The following SLC51A variants were observed in gnomAD, a reference collection of about 807,000 sequenced individuals.
SLC51A encodes solute carrier family 51 member A.
A neutral mutation model predicts 34.8 loss-of-function variants in SLC51A; 22 were observed. That is an observed-to-expected ratio of 0.63 (90% CI 0.45 to 0.90). The LOEUF (loss-of-function observed/expected upper bound fraction) is 0.90, where lower values mean the gene tolerates loss of function less well. Among genes scored for constraint, SLC51A ranks in the 40% least tolerant of loss-of-function variants. The pLI, the probability that SLC51A is intolerant of heterozygous loss-of-function variation, is 0.00. For synonymous variants in SLC51A, 181 were observed against 176.3 expected, an observed-to-expected ratio of 1.03 and a Z score of -0.21; for missense variants, 371 against 414.8, an observed-to-expected ratio of 0.89 and a Z score of 0.92.
chr3:196,231,096 C>T (rs887560094), intron 7 of SLC51A, among the ~76,000 whole-genome samples: 7 of 152,158 alleles, frequency 4.6e-5, no homozygotes, highest in African/African-American at 9.7e-5. Flanking sequence ...CACCATGTGC[C>T]GGGCACTTTC....
At chr3:196,221,185 C>T (rs563915282) in intron 2 of SLC51A, among the ~76,000 whole-genome samples, 24 of 151,338 alleles carry the variant, frequency 1.6e-4, no homozygotes, top group South Asian at 1.0e-3. Flanking sequence ...CCCAGGAGGT[C>T]GAGGTTGCAG....
rs1158261702 is a variant in SLC51A at position 196,229,000 on chromosome 3, AC to A, written c.633+84del. ...TCTAAAAGGAATCACCAGAGCCAAC[AC>A]CCCTTGACAGAGGGCCCCAGAAAAG... On this transcript the variant is annotated intron_variant, in intron 6 of 8. Transcript: ENST00000296327. The surrounding 1 kb of genome is among the most constrained non-coding windows in gnomAD (Gnocchi z 4.9). 2.5e-6 allele frequency: 3 copies of A among 1,186,690 alleles called. No homozygotes were observed. The African/African-American group carries it at 4.5e-5, about 18-fold the overall frequency. 73.5% of individuals were successfully genotyped at this position (1,186,690 alleles called of 1,614,324 possible).
At chr3:196,223,747 A>AAG (rs952799555) in intron 2 of SLC51A, 2 of 291,690 alleles carry the variant, frequency 6.9e-6, no homozygotes, top group African/African-American at 4.7e-5. Flanking sequence ...TAAAAAAAAA[A>AAG]AAAGAAAGAA....
In SLC51A at chr3:196,233,305, C is replaced by T. The variant is rs919231354; in HGVS notation, c.*106C>T. The T allele has an allele frequency of 7.9e-7, 1 of 1,270,540 alleles. No individual in the cohort carries two copies. The allele number at this position is 1,270,540 out of a possible 1,614,324, so 78.7% of individuals were successfully genotyped here. A position where few individuals can be genotyped will look rare whatever the true frequency, so the allele number is the denominator to read the frequency against. ...TGGGAAGCATTCCCCCTTGTCAACACAAGCTGGCAGATACATTTGACTCTA... is the reference window on the plus strand; with the variant it reads ...TGGGAAGCATTCCCCCTTGTCAACATAAGCTGGCAGATACATTTGACTCTA... On this transcript the variant is annotated 3_prime_UTR_variant, in exon 9 of 9. Coordinates refer to ENST00000296327, the MANE Select transcript of SLC51A (RefSeq NM_152672.6).
intron 2 of SLC51A, among the ~76,000 whole-genome samples, chr3:196,223,548 C>G (rs1215838171): frequency 6.6e-6 from 1 of 151,662 alleles, no homozygotes; most frequent in Non-Finnish European, 1.5e-5. Context: ...TTTACGCTCT[C>G]CAAGGGCTGA....
chr3:196,232,274 A>C, intron 7 of SLC51A, 145 bp from the exon 8 acceptor site: 2 of 587,406 alleles, frequency 3.4e-6, no homozygotes, highest in East Asian at 2.9e-5. Context: ...TAATGAAGTG[A>C]GAGCCTCAAC....
intron 2 of SLC51A, chr3:196,223,962 A>T (rs562651044): frequency 2.7e-6 from 1 of 364,890 alleles, no homozygotes; most frequent in East Asian, 9.3e-5. Flanking sequence ...CAGTTCAAGC[A>T]ATTCTCCTGC....
At chr3:196,217,541 C>CAAAAAGAAAA (rs1185781068) in intron 1 of SLC51A, among the ~76,000 whole-genome samples, 1 of 127,528 alleles carries the variant, frequency 7.8e-6, no homozygotes, top group Non-Finnish European at 1.6e-5. Flanking sequence ...GACCCTGTCT[C>CAAAAAGAAAA]AAAAAGAAAA....
chr3:196,221,159 T>C lies in SLC51A; in HGVS notation c.133+3223T>C, dbSNP rs551174879. On this transcript the variant is annotated intron_variant, in intron 2 of 8. Coordinates refer to ENST00000296327, the MANE Select transcript of SLC51A (RefSeq NM_152672.6). The stretch of plus-strand genomic sequence containing the variant: ...GAAAACTATTTCAGGCCAGTCACGG[T>C]GGCCCATGCTGCAACCCCAGGAGGT... Among the ~76,000 whole-genome samples, 9 of 151,880 alleles carry C rather than the reference T, an allele frequency of 5.9e-5. No individual in the cohort carries two copies. The East Asian group carries it at 9.7e-4, about 16-fold the overall frequency.
rs776782726 is a variant in SLC51A at position 196,216,711 on chromosome 3, C to T, written c.-2C>T. 1.8e-5 allele frequency: 29 copies of T among 1,570,464 alleles called. No homozygotes were observed. Among genetic ancestry groups the T allele is most frequent in the African/African-American group, 2.7e-5 (2 of 73,912 alleles). ...TGCGGGATTGCTGGAGAGAACGCGG[C>T]GATGGAGCCGGGCAGGACCCAGATA... is the stretch of plus-strand genomic sequence containing the variant. On this transcript the variant is annotated 5_prime_UTR_variant, in exon 1 of 9. Transcript: ENST00000296327. This position sits in a 1 kb window ranked among gnomAD's most constrained non-coding sequence, Gnocchi z 4.5.
chr3:196,223,773 G>T, intron 2 of SLC51A: 1 of 319,194 alleles, frequency 3.1e-6, no homozygotes, highest in Non-Finnish European at 6.0e-6. Flanking sequence ...ATACAGAACA[G>T]TAAAAAGAGA....
chr3:196,230,100 G>C (rs779612597), intron 7 of SLC51A, 39 bp downstream of exon 7: 9 of 1,552,828 alleles, frequency 5.8e-6, no homozygotes, highest in African/African-American at 1.4e-5. Context: ...TTTCATAACC[G>C]AGCTACAGAT....
intron 2 of SLC51A, among the ~76,000 whole-genome samples, chr3:196,222,023 T>C (rs974232392): frequency 3.3e-5 from 5 of 152,134 alleles, no homozygotes; most frequent in Non-Finnish European, 7.3e-5. Context: ...CGGCCTGGCA[T>C]TTTGCTTTGA....
chr3:196,217,849 G>A lies in SLC51A; in HGVS notation c.46G>A (p.Ala16Thr). The change falls in exon 2 of 9, where the codon GCA becomes ACA. Residue 16 changes from alanine (A) to threonine (T), a missense_variant. By Grantham distance (58) the Ala-to-Thr change is moderately conservative. Transcript: ENST00000296327. Reference protein sequence around the residue: ...TQIKLDPRYTADLLEVLKTNY... With the variant: ...TQIKLDPRYTTDLLEVLKTNY... Reference sequence around the variant, plus strand: ...AGGCTGGTGTCTCGCCAGGTACACAGCAGATCTTCTGGAGGTGCTGAAGAC... The same window carrying A: ...AGGCTGGTGTCTCGCCAGGTACACAACAGATCTTCTGGAGGTGCTGAAGAC... The A allele has an allele frequency of 1.2e-6, 2 of 1,613,514 alleles. No individual in the cohort carries two copies. Among genetic ancestry groups the A allele is most frequent in the Non-Finnish European group, 1.7e-6 (2 of 1,179,760 alleles).
At position 196,227,761 on chromosome 3, in the gene SLC51A, C is replaced by G. The variant is rs1723933644; in HGVS notation, c.362+24C>G. ...TCGTGAGTGCCCTGCCTCGCCCCAC[C>G]TCCAAGGGCCCCTCTGCTCCCGCTC... is the stretch of plus-strand genomic sequence containing the variant. On this transcript the variant is annotated intron_variant, in intron 4 of 8. Transcript: ENST00000296327. 5 of 1,599,750 alleles carry G rather than the reference C, an allele frequency of 3.1e-6. No homozygotes were observed. In the African/African-American group the frequency reaches 4.0e-5, roughly 13 times the overall value.
At chr3:196,222,699 A>G (rs980637081) in intron 2 of SLC51A, among the ~76,000 whole-genome samples, 1 of 151,778 alleles carries the variant, frequency 6.6e-6, no homozygotes, top group Admixed American at 6.6e-5. Flanking sequence ...GAAATTTACA[A>G]TGTAAATTAG....
chr3:196,227,600 A>G (rs545173769), intron 3 of SLC51A, 64 bp from the exon 4 acceptor site: 2 of 1,485,980 alleles, frequency 1.3e-6, no homozygotes, highest in East Asian at 2.3e-5. Flanking sequence ...TCCTTGCCGC[A>G]AAAGGCTTCC....
In SLC51A at chr3:196,233,179, G is replaced by A; in HGVS notation, c.1003G>A (p.Asp335Asn). Residue 335 changes from aspartate (D) to asparagine (N), a missense_variant, in exon 9 of 9, where the codon GAC becomes AAC. Coordinates refer to ENST00000296327, the MANE Select transcript of SLC51A (RefSeq NM_152672.6). Reference protein sequence around the residue: ...GYETFSSPDLDLNLKA With the variant: ...GYETFSSPDLNLNLKA ...TGAAACTTTCTCTTCTCCAGACCTG[G>A]ACTTGAACCTCAAAGCCTAAGGTGG... The A allele has an allele frequency of 6.2e-7, 1 of 1,614,206 alleles. No individual in the cohort carries two copies. Among genetic ancestry groups the A allele is most frequent in the Non-Finnish European group, 8.5e-7 (1 of 1,180,048 alleles).
intron 1 of SLC51A, among the ~76,000 whole-genome samples, chr3:196,217,032 C>G (rs1248675176): frequency 6.6e-6 from 1 of 152,240 alleles, no homozygotes; most frequent in Non-Finnish European, 1.5e-5. Context: ...CCCTCAGCAG[C>G]AGGGGGCCCG....
Sources: allele counts gnomAD v4.1 joint callset (sites outside exome capture counted in the v4.1 genomes callset), GRCh38; gene constraint gnomAD v4.1.1; non-coding constraint Gnocchi (gnomAD v3.1); transcripts MANE v1.5; gene names NCBI Gene and HGNC (gene_info 2026-07-23, HGNC 2026-07-21).